Variants in NDUFB5 observed in about 807,000 individuals in gnomAD.
NDUFB5 encodes the protein NADH dehydrogenase [ubiquinone] 1 beta subcomplex subunit 5, mitochondrial.
NDUFB5 carries 19 observed loss-of-function variants against 19.4 expected under a neutral mutation model. That is an observed-to-expected ratio of 0.98 (90% CI 0.68 to 1.43). The LOEUF (loss-of-function observed/expected upper bound fraction) is 1.43, where lower values mean the gene tolerates loss of function less well. NDUFB5 is among the 40% of genes most tolerant of loss of function. The pLI is 0.00. For missense variants in NDUFB5, 233 were observed against 236.5 expected (o/e 0.99, Z 0.10); for synonymous variants, 80 against 82.6 (o/e 0.97, Z 0.17).
chr3:179,616,883 C>A, intron 3 of NDUFB5, 100 bp from the exon 4 acceptor site: 2 of 850,722 alleles, frequency 2.4e-6, no homozygotes, highest in South Asian at 1.6e-5. Context: ...TTAAAGAATC[C>A]TTTAAAACCA....
rs1232447315 is a variant in NDUFB5, at chr3:179,616,968, A to C, written c.281-15A>C. ...CCTCATGCTAAAGTTAAACATAACC[A>C]TTTTTTCTTATTAGGTCAAGCTGAA... On this transcript the variant is annotated splice_polypyrimidine_tract_variant and intron_variant, in intron 3 of 5. Transcript: ENST00000259037. 6.2e-7 allele frequency: 1 copy of C among 1,602,150 alleles called. No individual in the cohort carries two copies. Among genetic ancestry groups the C allele is most frequent in the African/African-American group, 1.3e-5 (1 of 74,688 alleles).
chr3:179,607,573 A>C (rs942919804), intron 1 of NDUFB5, among the ~76,000 whole-genome samples: 3 of 152,244 alleles, frequency 2.0e-5, no homozygotes, highest in Admixed American at 6.5e-5. Context: ...CTTTAAAAAA[A>C]TTGTGGTAAA....
intron 5 of NDUFB5, among the ~76,000 whole-genome samples, chr3:179,619,535 A>C (rs1264281168): frequency 6.6e-6 from 1 of 152,076 alleles, no homozygotes; most frequent in Non-Finnish European, 1.5e-5. Context: ...TGAACTCATC[A>C]TTTTTTATGG....
intron 1 of NDUFB5, among the ~76,000 whole-genome samples, chr3:179,609,318 A>G (rs1301943986): frequency 2.6e-5 from 4 of 152,258 alleles, no homozygotes; most frequent in African/African-American, 9.6e-5. Flanking sequence ...AGACAGTCAT[A>G]GATACAGAGG....
chr3:179,605,187 T>A (rs1305977247), intron 1 of NDUFB5, among the ~76,000 whole-genome samples: 1 of 152,178 alleles, frequency 6.6e-6, no homozygotes, highest in Non-Finnish European at 1.5e-5. Context: ...AATTTGCGGA[T>A]GAAGCTGAGT....
At chr3:179,615,910 A>G in intron 2 of NDUFB5, 73 bp from the exon 3 acceptor site, 1 of 1,139,400 alleles carries the variant, frequency 8.8e-7, no homozygotes, top group Non-Finnish European at 1.3e-6. Flanking sequence ...TGAGGAAATC[A>G]TATCATGAGG....
At chr3:179,617,826 G>A (rs377425338) in intron 4 of NDUFB5, among the ~76,000 whole-genome samples, 171 of 152,192 alleles carry the variant, frequency 1.1e-3, no homozygotes, top group African/African-American at 3.7e-3. Flanking sequence ...ATTTCAACCC[G>A]GGCAACTTTG....
rs1450167665 is a variant in NDUFB5 at position 179,624,798 on chromosome 3, T to TC, written c.*758_*759insC. The TC allele has an allele frequency of 1.0e-5, 1 of 98,846 alleles. No individual in the cohort carries two copies. The highest frequency in any genetic ancestry group is 2.4e-5 in the Non-Finnish European group (1 of 40,872). 6.1% of individuals were successfully genotyped at this position (98,846 alleles called of 1,614,324 possible). On this transcript the variant is annotated 3_prime_UTR_variant, in exon 6 of 6. Transcript: ENST00000259037. ...TTTTTTAACATTATTTTCTTTTCTT[T>TC]TTTTTTTTTTTTTTTTTTGACGAAA...
At chr3:179,612,674 C>T (rs540454502) in intron 1 of NDUFB5, among the ~76,000 whole-genome samples, 40 of 151,652 alleles carry the variant, frequency 2.6e-4, no homozygotes, top group African/African-American at 9.4e-4. Context: ...GACGGGGTTT[C>T]ACCGTGTTAG....
In NDUFB5 at chr3:179,615,976, A is replaced by G; in HGVS notation, c.214-7A>G. 2.5e-6 allele frequency: 4 copies of G among 1,598,102 alleles called. No homozygotes were observed. Among genetic ancestry groups the G allele is most frequent in the Non-Finnish European group, 3.4e-6 (4 of 1,169,304 alleles). On this transcript the variant is annotated splice_region_variant and splice_polypyrimidine_tract_variant and intron_variant, in intron 2 of 5. Coordinates refer to ENST00000259037, the MANE Select transcript of NDUFB5 (RefSeq NM_002492.4). ...GGTCATGAGAAACACTTTTTTTTTTATCTTAGAGATTCTACATTGCATTGA... is the reference window on the plus strand; with the variant it reads ...GGTCATGAGAAACACTTTTTTTTTTGTCTTAGAGATTCTACATTGCATTGA...
intron 1 of NDUFB5, among the ~76,000 whole-genome samples, chr3:179,611,852 TAATA>T (rs144897027): frequency 0.013 from 1,988 of 152,222 alleles, 46 homozygotes; most frequent in African/African-American, 0.046. Flanking sequence ...CCTATGAAAT[TAATA>T]AATACTTAAT....
At chr3:179,612,810 A>G (rs915338295) in intron 1 of NDUFB5, among the ~76,000 whole-genome samples, 6 of 152,184 alleles carry the variant, frequency 3.9e-5, no homozygotes, top group Non-Finnish European at 8.8e-5. Context: ...CAAAAACTGC[A>G]GTTACTTTTG....
chr3:179,613,486 C>T (rs187790735), intron 1 of NDUFB5, among the ~76,000 whole-genome samples: 1 of 152,114 alleles, frequency 6.6e-6, no homozygotes, highest in African/African-American at 2.4e-5. Context: ...GTATATAGTT[C>T]TAGCATAGGA....
rs1284226126 is a variant in NDUFB5, at chr3:179,624,574, C to CACACACACACACACACACACACAG, written c.*557_*558insGACACACACACACACACACACACA. 1.7e-4 allele frequency: 20 copies of CACACACACACACACACACACACAG among 117,620 alleles called. No homozygotes were observed. The highest frequency in any genetic ancestry group is 6.6e-4 in the African/African-American group (20 of 30,454). The allele number at this position is 117,620 out of a possible 1,614,324, so 7.3% of individuals were successfully genotyped here. On this transcript the variant is annotated 3_prime_UTR_variant, in exon 6 of 6. Transcript: ENST00000259037. ...CTACACACAGACACACAGACACGTA[C>CACACACACACACACACACACACAG]ACACACACACACACACACACACACA...
At chr3:179,605,465 TTTTG>T (rs888927136) in intron 1 of NDUFB5, among the ~76,000 whole-genome samples, 3 of 152,034 alleles carry the variant, frequency 2.0e-5, no homozygotes, top group Non-Finnish European at 2.9e-5. Flanking sequence ...TTTTGTTTTG[TTTTG>T]TTTGTTTGTT....
chr3:179,606,535 T>G (rs1369979252), intron 1 of NDUFB5, among the ~76,000 whole-genome samples: 1 of 152,102 alleles, frequency 6.6e-6, no homozygotes, highest in African/African-American at 2.4e-5. Flanking sequence ...AGATGGGGTT[T>G]CATCATGTTG....
chr3:179,610,762 G>A (rs1377698137), intron 1 of NDUFB5, among the ~76,000 whole-genome samples: 1 of 152,178 alleles, frequency 6.6e-6, no homozygotes, highest in Non-Finnish European at 1.5e-5. Flanking sequence ...AAACATCAAA[G>A]ATGGTGTAAT....
chr3:179,607,892 A>C lies in NDUFB5; in HGVS notation c.124+2953A>C. 3 of 674,928 alleles carry C rather than the reference A, an allele frequency of 4.4e-6. No individual in the cohort carries two copies. In the South Asian group the frequency reaches 4.8e-5, roughly 11 times the overall value. The allele number at this position is 674,928 out of a possible 1,614,324, so 41.8% of individuals were successfully genotyped here. A position where few individuals can be genotyped will look rare whatever the true frequency, so the allele number is the denominator to read the frequency against. Reference sequence around the variant, plus strand: ...TATTTATGTCGTAGCATATGTCAGAATTTCCTTCCTTTTTAAAGCTGAATT... The same window carrying C: ...TATTTATGTCGTAGCATATGTCAGACTTTCCTTCCTTTTTAAAGCTGAATT... On this transcript the variant is annotated intron_variant, in intron 1 of 5. Coordinates refer to ENST00000259037, the MANE Select transcript of NDUFB5 (RefSeq NM_002492.4).
intron 2 of NDUFB5, 64 bp from the exon 3 acceptor site, chr3:179,615,918 AG>A: frequency 8.4e-7 from 1 of 1,186,250 alleles, no homozygotes. Context: ...TCATATCATG[AG>A]GATGATTTGT....
Sources: allele counts gnomAD v4.1 joint callset (sites outside exome capture counted in the v4.1 genomes callset), GRCh38; gene constraint gnomAD v4.1.1; transcripts MANE v1.5; gene names NCBI Gene and HGNC (gene_info 2026-07-23, HGNC 2026-07-21).